COL5A2: variants seen among roughly 807,000 people sequenced by gnomAD.
COL5A2 encodes the protein collagen type V alpha 2 chain.
In COL5A2, 23 loss-of-function variants were observed where a neutral mutation model predicts 208.2. The observed-to-expected ratio is 0.11, with a 90% CI of 0.08 to 0.16. The LOEUF (loss-of-function observed/expected upper bound fraction) is 0.16. Ranked by LOEUF, COL5A2 falls within the 10% of genes least tolerant of loss-of-function variation. The pLI, the probability that COL5A2 is intolerant of heterozygous loss-of-function variation, is 1.00. For synonymous variants in COL5A2, 625 were observed against 628.5 expected, an observed-to-expected ratio of 0.99 and a Z score of 0.08; for missense variants, 1,590 against 1,956.4, an observed-to-expected ratio of 0.81 and a Z score of 3.53.
At chr2:189,387,036 T>C in the COL5A2 span, among the ~76,000 whole-genome samples, 1 of 152,162 alleles carries the variant, frequency 6.6e-6, no homozygotes, top group African/African-American at 2.4e-5. Flanking sequence ...GCAGCGTTAT[T>C]CACAATAGCA....
chr2:189,323,900 C>G, the COL5A2 span, among the ~76,000 whole-genome samples: 1 of 152,198 alleles, frequency 6.6e-6, no homozygotes, highest in African/African-American at 2.4e-5. Flanking sequence ...CTGGAGGCAT[C>G]ACGCTACCTG....
chr2:189,240,546 A>G, the COL5A2 span, among the ~76,000 whole-genome samples: 271 of 152,330 alleles, frequency 1.8e-3, 1 homozygote, highest in African/African-American at 5.3e-3. Context: ...TGTTTAAAGT[A>G]TTGGATAACT....
the COL5A2 span, among the ~76,000 whole-genome samples, chr2:189,284,420 A>G: frequency 1.3e-5 from 2 of 152,274 alleles, no homozygotes; most frequent in Non-Finnish European, 2.9e-5. Context: ...GAAACTTACA[A>G]TCATGGTGGA....
In COL5A2 at chr2:189,062,914, G is replaced by A. The variant is rs767643591; in HGVS notation, c.1928C>T (p.Ala643Val). 3.1e-6 allele frequency: 5 copies of A among 1,613,996 alleles called. No homozygotes were observed. The highest frequency in any genetic ancestry group is 3.3e-5 in the Admixed American group (2 of 59,982). The change falls in exon 29 of 54, where the codon GCT becomes GTT. Residue 643 changes from alanine to valine, a missense_variant. Physicochemically the swap from Ala to Val is moderately conservative, Grantham distance 64. Coordinates refer to ENST00000374866, the MANE Select transcript of COL5A2 (RefSeq NM_000393.5). ...ACCAACTTCACCATCTTTTCCAGGAGCTCCCTAGTATCACACACAGATATT... is the reference window on the plus strand; with the variant it reads ...ACCAACTTCACCATCTTTTCCAGGAACTCCCTAGTATCACACACAGATATT... ...GNAGVPGQRG[A>V]PGKDGEVGPS...
the COL5A2 span, among the ~76,000 whole-genome samples, chr2:189,408,788 C>T: frequency 6.6e-6 from 1 of 152,104 alleles, no homozygotes; most frequent in Non-Finnish European, 1.5e-5. Context: ...GATCAATTAA[C>T]CACATTATAC....
At chr2:189,119,865 A>C (rs899152507) in intron 1 of COL5A2, among the ~76,000 whole-genome samples, 34 of 152,114 alleles carry the variant, frequency 2.2e-4, no homozygotes, top group African/African-American at 8.0e-4. Context: ...GTTGTTTACT[A>C]GTCAACTGGT....
At chr2:189,420,338 A>G in the COL5A2 span, among the ~76,000 whole-genome samples, 33 of 152,190 alleles carry the variant, frequency 2.2e-4, no homozygotes, top group African/African-American at 7.2e-4. Context: ...GAAAAAAACC[A>G]GAGTAGACAT....
intron 1 of COL5A2, among the ~76,000 whole-genome samples, chr2:189,125,680 A>G (rs1035036413): frequency 6.6e-6 from 1 of 152,150 alleles, no homozygotes; most frequent in Non-Finnish European, 1.5e-5. Flanking sequence ...TACAGTATAT[A>G]ACACAAACAA....
At chr2:189,428,516 G>C in the COL5A2 span, among the ~76,000 whole-genome samples, 1 of 152,272 alleles carries the variant, frequency 6.6e-6, no homozygotes, top group South Asian at 2.1e-4. Flanking sequence ...TATTTGGAAG[G>C]CTGAGGCAGG....
chr2:189,259,596 C>T, the COL5A2 span, among the ~76,000 whole-genome samples: 1 of 152,114 alleles, frequency 6.6e-6, no homozygotes, highest in African/African-American at 2.4e-5. Flanking sequence ...AGGAGAGACC[C>T]AGATTTTAAT....
chr2:189,429,906 C>A, the COL5A2 span, among the ~76,000 whole-genome samples: 1 of 152,314 alleles, frequency 6.6e-6, no homozygotes, highest in East Asian at 1.9e-4. Context: ...GACATTCTAT[C>A]TTCATCTGAT....
the COL5A2 span, among the ~76,000 whole-genome samples, chr2:189,237,625 A>C: frequency 6.6e-6 from 1 of 151,994 alleles, no homozygotes; most frequent in East Asian, 1.9e-4. Context: ...GTAAAAGCTA[A>C]AATATGCATA....
the COL5A2 span, among the ~76,000 whole-genome samples, chr2:189,418,789 T>G: frequency 6.6e-6 from 1 of 152,180 alleles, no homozygotes; most frequent in Non-Finnish European, 1.5e-5. Context: ...GGTTAGGTCT[T>G]TCCTCAGCAA....
the COL5A2 span, among the ~76,000 whole-genome samples, chr2:189,356,140 C>T: frequency 6.6e-6 from 1 of 152,176 alleles, no homozygotes; most frequent in Non-Finnish European, 1.5e-5. Context: ...CAGAGAGATC[C>T]ACTGTTAGTC....
chr2:189,278,178 A>G, the COL5A2 span, among the ~76,000 whole-genome samples: 2 of 152,164 alleles, frequency 1.3e-5, no homozygotes, highest in African/African-American at 2.4e-5. Flanking sequence ...CCTTCTCTCG[A>G]TAAGCTGAAC....
At chr2:189,290,308 T>C in the COL5A2 span, among the ~76,000 whole-genome samples, 1,358 of 152,298 alleles carry the variant, frequency 8.9e-3, 13 homozygotes, top group Non-Finnish European at 0.014. Flanking sequence ...TTAGAAAATG[T>C]CTCCATCCTT....
chr2:189,043,945 C>A (rs951316654), intron 47 of COL5A2, among the ~76,000 whole-genome samples: 1 of 152,096 alleles, frequency 6.6e-6, no homozygotes, highest in African/African-American at 2.4e-5. Flanking sequence ...AGAAGCTATA[C>A]CCAGAGAAGA....
chr2:189,221,907 A>G (rs977624538), intron 1 of COL5A2, among the ~76,000 whole-genome samples: 29 of 152,298 alleles, frequency 1.9e-4, no homozygotes, highest in African/African-American at 7.0e-4. Flanking sequence ...GGAGTTTTCT[A>G]TAATGTGGAT....
the COL5A2 span, among the ~76,000 whole-genome samples, chr2:189,397,875 T>C: frequency 6.6e-6 from 1 of 152,074 alleles, no homozygotes; most frequent in African/African-American, 2.4e-5. Flanking sequence ...TCTTTTCCTA[T>C]CTTATAAAGA....
Sources: gnomAD v4.1 joint callset for allele counts (sites outside exome capture counted in the v4.1 genomes callset) on GRCh38, gnomAD v4.1.1 for gene constraint, MANE v1.5 for transcripts, NCBI Gene and HGNC (gene_info 2026-07-23, HGNC 2026-07-21) for gene names.